The following KHDRBS2 variants were observed in gnomAD, a reference collection of about 807,000 sequenced individuals.
KHDRBS2 encodes KH RNA binding domain containing, signal transduction associated 2.
Under a neutral mutation model 44.3 loss-of-function variants are expected in KHDRBS2, and 26 were observed. That is an observed-to-expected ratio of 0.59 (90% confidence interval 0.43 to 0.81). The LOEUF (loss-of-function observed/expected upper bound fraction) is 0.81, where lower values mean the gene tolerates loss of function less well. Among genes scored for constraint, KHDRBS2 ranks in the 40% least tolerant of loss-of-function variants. KHDRBS2 has a pLI of 0.00. For synonymous variants in KHDRBS2, 194 were observed against 151.1 expected, an observed-to-expected ratio of 1.28 and a Z score of -2.08; for missense variants, 476 against 433.1, an observed-to-expected ratio of 1.10 and a Z score of -0.88.
In KHDRBS2 at chr6:61,710,092, T is replaced by C. The variant is rs78614010; in HGVS notation, c.894-12839A>G. ...GTTACTTATTAAGAAAAAGGTTATT[T>C]TCATGCATCAGACTTTAGAAATTTA... is the stretch of plus-strand genomic sequence containing the variant. On this transcript the variant is annotated intron_variant, in intron 7 of 8. Coordinates refer to ENST00000281156, the MANE Select transcript of KHDRBS2 (RefSeq NM_152688.4). 4.2e-4 allele frequency among the ~76,000 whole-genome samples: 63 copies of C among 151,782 alleles called. No individual in the cohort carries two copies. The East Asian group carries it at 5.5e-3, about 13-fold the overall frequency.
At chr6:61,900,887 C>G (rs573631507) in intron 5 of KHDRBS2, among the ~76,000 whole-genome samples, 1 of 152,152 alleles carries the variant, frequency 6.6e-6, no homozygotes, top group African/African-American at 2.4e-5. Flanking sequence ...GAGGATAGAA[C>G]AGTAAAGTAG....
chr6:61,802,887 C>A (rs1009545597), intron 6 of KHDRBS2, among the ~76,000 whole-genome samples: 24 of 152,196 alleles, frequency 1.6e-4, no homozygotes, highest in Non-Finnish European at 2.9e-4. Context: ...TCCTTCCCAT[C>A]CCAGAATGAA....
chr6:61,963,085 A>C (rs2127394261), intron 4 of KHDRBS2, among the ~76,000 whole-genome samples: 1 of 152,248 alleles, frequency 6.6e-6, no homozygotes, highest in South Asian at 2.1e-4. Context: ...ATAGTGAAAT[A>C]AAACATGGCA....
At chr6:62,124,444 C>T (rs1332095901) in intron 2 of KHDRBS2, among the ~76,000 whole-genome samples, 1 of 152,172 alleles carries the variant, frequency 6.6e-6, no homozygotes, top group African/African-American at 2.4e-5. Flanking sequence ...CTCACAAAAA[C>T]ATGCAGAGAT....
At chr6:61,595,993 T>C in the KHDRBS2 span, among the ~76,000 whole-genome samples, 3 of 152,168 alleles carry the variant, frequency 2.0e-5, no homozygotes, top group Admixed American at 2.0e-4. Context: ...AGGATGGCTG[T>C]GAAAGGCAGG....
intron 4 of KHDRBS2, among the ~76,000 whole-genome samples, chr6:61,944,814 G>A (rs1282356580): frequency 1.3e-5 from 2 of 151,632 alleles, no homozygotes; most frequent in African/African-American, 4.8e-5. Flanking sequence ...TATGAGGCTG[G>A]GAGCAGTGGC....
At chr6:62,079,538 C>T (rs1439476827) in intron 2 of KHDRBS2, among the ~76,000 whole-genome samples, 1 of 152,054 alleles carries the variant, frequency 6.6e-6, no homozygotes, top group African/African-American at 2.4e-5. Context: ...ATTTGAGCAT[C>T]TTCGTAATGG....
Position 61,901,273 on chromosome 6 carries a change from CCCTCTGCCTCTAATA to C in KHDRBS2, c.567_581del (p.Gly192_Arg196del). On this transcript the variant is annotated inframe_deletion, in exon 5 of 9. Coordinates refer to ENST00000281156, the MANE Select transcript of KHDRBS2 (RefSeq NM_152688.4). ...AAGGAGCTGTGGGAGCTATTCTGAT[CCCTCTGCCTCTAATA>C]CCTCTGCCACGACCAGAGTCCTCTG... 3 of 1,613,670 alleles carry C rather than the reference CCCTCTGCCTCTAATA, an allele frequency of 1.9e-6. No individual in the cohort carries two copies. The highest frequency in any genetic ancestry group is 1.7e-6 in the Non-Finnish European group (2 of 1,179,772).
At chr6:61,889,064 G>A (rs1353760671) in intron 6 of KHDRBS2, among the ~76,000 whole-genome samples, 1 of 151,482 alleles carries the variant, frequency 6.6e-6, no homozygotes, top group Admixed American at 6.6e-5. Context: ...GACTTCAAAG[G>A]GTCCATAACT....
In KHDRBS2 at chr6:61,690,256, G is replaced by T. The variant is rs1188285554; in HGVS notation, c.952+6939C>A. ...AAATTTTTCACCATGTTCATATTTT[G>T]TATTCTGTACTTTGTGCTTTATAAA... is the stretch of plus-strand genomic sequence containing the variant. On this transcript the variant is annotated intron_variant, in intron 8 of 8. Transcript: ENST00000281156. Among the ~76,000 whole-genome samples, 4 of 151,380 alleles carry T rather than the reference G, an allele frequency of 2.6e-5. No homozygotes were observed. The Admixed American group carries it at 2.6e-4, about 10-fold the overall frequency.
chr6:61,848,013 C>G (rs1156521217), intron 6 of KHDRBS2, among the ~76,000 whole-genome samples: 2 of 151,932 alleles, frequency 1.3e-5, no homozygotes, highest in East Asian at 3.9e-4. Context: ...TTCTCTTCTA[C>G]TTGGGTTACT....
intron 6 of KHDRBS2, among the ~76,000 whole-genome samples, chr6:61,826,323 C>T (rs73476668): frequency 6.6e-6 from 1 of 151,892 alleles, no homozygotes; most frequent in Non-Finnish European, 1.5e-5. Flanking sequence ...CAGGCACTGG[C>T]AAGAAATCAG....
chr6:61,593,987 C>T, the KHDRBS2 span, among the ~76,000 whole-genome samples: 1 of 152,024 alleles, frequency 6.6e-6, no homozygotes, highest in African/African-American at 2.4e-5. Context: ...GGTAAAATAA[C>T]AGTATCTCCA....
At chr6:61,711,196 T>A (rs1770463286) in intron 7 of KHDRBS2, among the ~76,000 whole-genome samples, 1 of 151,724 alleles carries the variant, frequency 6.6e-6, no homozygotes, top group Non-Finnish European at 1.5e-5. Context: ...CATAGATTTG[T>A]GGCTATGTTT....
chr6:62,250,635 G>C (rs572840430), intron 1 of KHDRBS2, among the ~76,000 whole-genome samples: 2 of 152,046 alleles, frequency 1.3e-5, no homozygotes, highest in Middle Eastern at 3.4e-3. Flanking sequence ...GCTGTAGTTG[G>C]AAAACCAACA....
chr6:62,062,111 C>A (rs1022319283), intron 2 of KHDRBS2, among the ~76,000 whole-genome samples: 2 of 148,952 alleles, frequency 1.3e-5, no homozygotes, highest in Non-Finnish European at 1.5e-5. Context: ...AATACAGGAG[C>A]ACCCAGATTC....
At chr6:62,152,704 G>A (rs1035720096) in intron 2 of KHDRBS2, among the ~76,000 whole-genome samples, 2 of 152,106 alleles carry the variant, frequency 1.3e-5, no homozygotes, top group African/African-American at 4.8e-5. Flanking sequence ...TCCTCATTGA[G>A]GTCCATTTAT....
In KHDRBS2 at chr6:61,894,804, G is replaced by A. The variant is rs778333402; in HGVS notation, c.641C>T (p.Pro214Leu). The change falls in exon 6 of 9, where the codon CCA becomes CTA. Residue 214 changes from proline to leucine, a missense_variant. Physicochemically the swap from Pro to Leu is moderately conservative, Grantham distance 98. Coordinates refer to ENST00000281156, the MANE Select transcript of KHDRBS2 (RefSeq NM_152688.4). ...RGRGGAIPPP[P>L]PPGRGVLTPR... The stretch of plus-strand genomic sequence containing the variant: ...GGTGAGAACACCTCGTCCAGGTGGT[G>A]GGGGAGGAGGAATGGCACCCCCACG... 12 of 1,612,118 alleles carry A rather than the reference G, an allele frequency of 7.4e-6. No homozygotes were observed. In the Admixed American group the frequency reaches 8.4e-5, roughly 11 times the overall value.
At chr6:61,588,070 A>T in the KHDRBS2 span, among the ~76,000 whole-genome samples, 2 of 152,218 alleles carry the variant, frequency 1.3e-5, no homozygotes, top group East Asian at 3.9e-4. Flanking sequence ...AAAAGGCCAC[A>T]CCCTACCATC....
Sources: gnomAD v4.1 joint callset for allele counts (sites outside exome capture counted in the v4.1 genomes callset) on GRCh38, gnomAD v4.1.1 for gene constraint, MANE v1.5 for transcripts, NCBI Gene and HGNC (gene_info 2026-07-23, HGNC 2026-07-21) for gene names.